The following SAP130 variants were observed in gnomAD, a reference collection of about 807,000 sequenced individuals.
SAP130 encodes the protein histone deacetylase complex subunit SAP130.
SAP130 carries 16 observed loss-of-function variants against 103.2 expected under a neutral mutation model. The ratio of observed to expected loss-of-function variants is 0.16; its 90% CI spans 0.10 to 0.24. SAP130 has a LOEUF of 0.24. Ranked by LOEUF, SAP130 falls within the 10% of genes least tolerant of loss-of-function variation. SAP130 has a pLI of 1.00. For synonymous variants in SAP130, 477 were observed against 497.0 expected (o/e 0.96, Z 0.53); for missense variants, 990 against 1,359.7 (o/e 0.73, Z 4.28).
In SAP130 at chr2:127,941,733, T is replaced by C; in HGVS notation, c.*273A>G. The C allele has an allele frequency of 6.9e-6, 3 of 432,508 alleles. No individual in the cohort carries two copies. The highest frequency in any genetic ancestry group is 8.1e-6 in the Non-Finnish European group (2 of 246,020). 26.8% of individuals were successfully genotyped at this position (432,508 alleles called of 1,614,324 possible). Reference sequence around the variant, plus strand: ...ACCAGCCAGCCATCCTTGTCATTGCTTCCAACTGGTGGACACTGATGCATC... The same window carrying C: ...ACCAGCCAGCCATCCTTGTCATTGCCTCCAACTGGTGGACACTGATGCATC... On this transcript the variant is annotated 3_prime_UTR_variant, in exon 21 of 21. Coordinates refer to ENST00000643581, the MANE Select transcript of SAP130 (RefSeq NM_001330301.2).
intron 7 of SAP130, among the ~76,000 whole-genome samples, chr2:128,007,723 A>G (rs1028747780): frequency 2.0e-5 from 3 of 152,198 alleles, no homozygotes; most frequent in East Asian, 1.9e-4. Flanking sequence ...ATGGCTTAAG[A>G]TAAGTTCCAG....
At chr2:128,027,198 A>G in intron 1 of SAP130, 1 of 1,223,206 alleles carries the variant, frequency 8.2e-7, no homozygotes, top group African/African-American at 1.6e-5. Context: ...GGGCGCGGGG[A>G]GGGATCGCGG....
intron 14 of SAP130, among the ~76,000 whole-genome samples, chr2:127,984,063 ATTG>A (rs1183529316): frequency 6.6e-6 from 1 of 151,372 alleles, no homozygotes; most frequent in Admixed American, 6.6e-5. Context: ...GGTTCTTTTT[ATTG>A]TTGTTTTAAA....
chr2:127,950,537 G>T, intron 16 of SAP130, 129 bp from the exon 17 acceptor site: 1 of 1,054,100 alleles, frequency 9.5e-7, no homozygotes. Context: ...CTTCCTATGT[G>T]TCTGGCACTG....
At chr2:127,971,871 A>G (rs1234541702) in intron 15 of SAP130, among the ~76,000 whole-genome samples, 1 of 152,238 alleles carries the variant, frequency 6.6e-6, no homozygotes, top group Non-Finnish European at 1.5e-5. Flanking sequence ...CTTAAGGAAC[A>G]GATTAATATA....
intron 18 of SAP130, among the ~76,000 whole-genome samples, chr2:127,947,002 A>T (rs1197155281): frequency 6.7e-6 from 1 of 149,840 alleles, no homozygotes; most frequent in African/African-American, 2.5e-5. Context: ...GTAGAGAGAG[A>T]GAGAGAAAAG....
intron 18 of SAP130, among the ~76,000 whole-genome samples, chr2:127,947,800 G>GTGTGTGTGTGTGTGTT (rs1178153149): frequency 6.6e-6 from 1 of 151,534 alleles, no homozygotes; most frequent in Non-Finnish European, 1.5e-5. Context: ...GTGTGTGTGT[G>GTGTGTGTGTGTGTGTT]TTTTGAGACG....
chr2:127,955,493 T>C lies in SAP130; in HGVS notation c.2064-149A>G. On this transcript the variant is annotated intron_variant, in intron 15 of 20. Coordinates refer to ENST00000643581, the MANE Select transcript of SAP130 (RefSeq NM_001330301.2). The surrounding 1 kb of genome is among the most constrained non-coding windows in gnomAD (Gnocchi z 4.9). ...TTTCCTTTTTTTAAATTTTTAATTT[T>C]AAAAAAATTTTGAGACAGGGTCTCA... 3.7e-6 allele frequency: 2 copies of C among 547,644 alleles called. No homozygotes were observed. Among genetic ancestry groups the C allele is most frequent in the Non-Finnish European group, 3.0e-6 (1 of 332,528 alleles). The allele number at this position is 547,644 out of a possible 1,614,324, so 33.9% of individuals were successfully genotyped here. A position where few individuals can be genotyped will look rare whatever the true frequency, so the allele number is the denominator to read the frequency against.
chr2:128,024,531 T>C (rs777520138), intron 2 of SAP130, among the ~76,000 whole-genome samples: 20 of 152,048 alleles, frequency 1.3e-4, no homozygotes, highest in Non-Finnish European at 2.9e-4. Context: ...TTCGGCAACA[T>C]TGTGAGATCC....
intron 11 of SAP130, among the ~76,000 whole-genome samples, chr2:127,994,852 GA>G (rs540248188): frequency 7.9e-4 from 120 of 152,238 alleles, no homozygotes; most frequent in African/African-American, 2.9e-3. Context: ...ATGTACATAG[GA>G]AATTCATAAA....
intron 2 of SAP130, among the ~76,000 whole-genome samples, chr2:128,018,483 CAAAAAAAAAA>C (rs759445928): frequency 1.4e-5 from 1 of 69,480 alleles, no homozygotes; most frequent in African/African-American, 6.5e-5. Flanking sequence ...AGATTGTCTC[CAAAAAAAAAA>C]AAAAAAAAAA....
rs111480936 is a variant in SAP130 at position 128,002,386 on chromosome 2, G to A, written c.870-1932C>T. Among the ~76,000 whole-genome samples, 1,213 of 151,966 alleles carry A rather than the reference G, an allele frequency of 8.0e-3. 16 individuals are homozygous for A. The highest frequency in any genetic ancestry group is 0.028 in the African/African-American group (1,157 of 41,418). On this transcript the variant is annotated intron_variant, in intron 7 of 20. Coordinates refer to ENST00000643581, the MANE Select transcript of SAP130 (RefSeq NM_001330301.2). Reference sequence around the variant, plus strand: ...CTCTACTAAAAATACAAAATTAACCGGGTGCGGTGGTACGTGCCTGTAGTC... The same window carrying A: ...CTCTACTAAAAATACAAAATTAACCAGGTGCGGTGGTACGTGCCTGTAGTC...
intron 11 of SAP130, among the ~76,000 whole-genome samples, chr2:127,994,451 G>A (rs986427336): frequency 6.6e-5 from 10 of 152,324 alleles, no homozygotes; most frequent in South Asian, 6.2e-4. Flanking sequence ...AATTAGCCAG[G>A]TGTGGTGGCA....
intron 12 of SAP130, among the ~76,000 whole-genome samples, chr2:127,990,729 C>T (rs545860353): frequency 1.3e-5 from 2 of 152,104 alleles, no homozygotes; most frequent in Admixed American, 6.6e-5. Flanking sequence ...ATGCTTGAAC[C>T]CAGGAGTTGG....
intron 2 of SAP130, among the ~76,000 whole-genome samples, chr2:128,021,315 C>T (rs1315694802): frequency 4.6e-5 from 7 of 151,872 alleles, no homozygotes; most frequent in African/African-American, 1.2e-4. Context: ...GGCATGGTGG[C>T]GGGCGCCTAT....
At chr2:127,962,385 C>T (rs1446419234) in intron 15 of SAP130, among the ~76,000 whole-genome samples, 1 of 152,126 alleles carries the variant, frequency 6.6e-6, no homozygotes, top group Admixed American at 6.6e-5. Context: ...TGGGTATATA[C>T]CCAAAGGATT....
At chr2:127,983,465 C>G (rs1682105853) in intron 14 of SAP130, among the ~76,000 whole-genome samples, 1 of 152,184 alleles carries the variant, frequency 6.6e-6, no homozygotes, top group Non-Finnish European at 1.5e-5. Context: ...CAAGGACACC[C>G]TGCCTACCTC....
intron 7 of SAP130, among the ~76,000 whole-genome samples, chr2:128,001,494 G>A (rs1683558106): frequency 6.6e-6 from 1 of 152,260 alleles, no homozygotes; most frequent in African/African-American, 2.4e-5. Flanking sequence ...CTTATTGTTA[G>A]TAGTAATCTA....
Position 128,017,861 on chromosome 2 carries a change from G to A in SAP130, c.167C>T (p.Ser56Phe), listed in dbSNP as rs746530868. The change falls in exon 3 of 21, where the codon TCC becomes TTC. Residue 56 changes from serine to phenylalanine, a missense_variant. Transcript: ENST00000643581. ...CTCCCGGGACTGGAGGGAGCTGCTG[G>A]AACTCATGTGCTCCCTGGCACTGAC... ...SEVSAREHMS[S>F]SSSLQSREEK... The A allele has an allele frequency of 1.9e-6, 3 of 1,614,222 alleles. No homozygotes were observed. The South Asian group carries it at 3.3e-5, about 18-fold the overall frequency.
Sources: gnomAD v4.1 joint callset for allele counts (sites outside exome capture counted in the v4.1 genomes callset) on GRCh38, gnomAD v4.1.1 for gene constraint, Gnocchi (gnomAD v3.1) non-coding constraint, MANE v1.5 for transcripts, NCBI Gene and HGNC (gene_info 2026-07-23, HGNC 2026-07-21) for gene names.